FMN2: variants seen among roughly 807,000 people sequenced by gnomAD.
FMN2 encodes formin-2.
Under a neutral mutation model 142.3 loss-of-function variants are expected in FMN2, and 51 were observed. The observed-to-expected ratio is 0.36, with a 90% CI of 0.29 to 0.45. The LOEUF is 0.45. Among genes scored for constraint, FMN2 ranks in the 20% least tolerant of loss-of-function variants. The probability of loss-of-function intolerance (pLI) is 1.00; values close to 1 mark genes in which losing one functional copy is unlikely to be tolerated. For synonymous variants in FMN2, 882 were observed against 869.8 expected (o/e 1.01, Z -0.25); for missense variants, 1,936 against 2,122.8 (o/e 0.91, Z 1.73).
At chr1:240,469,948 C>T (rs1469889649) in intron 16 of FMN2, among the ~76,000 whole-genome samples, 1 of 152,120 alleles carries the variant, frequency 6.6e-6, no homozygotes, top group East Asian at 1.9e-4. Flanking sequence ...GATGCACATT[C>T]TCCTCAGTTT....
chr1:240,166,374 T>C (rs10926153), intron 2 of FMN2, among the ~76,000 whole-genome samples: 93,196 of 151,538 alleles, frequency 0.62, 28,912 homozygotes, highest in South Asian at 0.73. Context: ...AGATTGCAGG[T>C]GCCAGCCACC....
At chr1:240,148,687 A>T (rs1258286313) in intron 2 of FMN2, among the ~76,000 whole-genome samples, 1 of 152,114 alleles carries the variant, frequency 6.6e-6, no homozygotes, top group Non-Finnish European at 1.5e-5. Context: ...CTGAATAAAA[A>T]CTCTGTATAT....
Position 240,144,585 on chromosome 1 carries a change from C to T in FMN2, c.1782+21240C>T, listed in dbSNP as rs539227718. The T allele has an allele frequency of 9.4e-5, 129 of 1,373,092 alleles. No homozygotes were observed. The South Asian group carries it at 1.4e-3, about 15-fold the overall frequency. 85.1% of individuals were successfully genotyped at this position (1,373,092 alleles called of 1,614,324 possible). On this transcript the variant is annotated intron_variant, in intron 2 of 17. Transcript: ENST00000319653. Reference sequence around the variant, plus strand: ...TTGCGCATCAGTGCCAATCTCAGAGCTTTAGGAAAGCGGCTAAACTTTCAG... The same window carrying T: ...TTGCGCATCAGTGCCAATCTCAGAGTTTTAGGAAAGCGGCTAAACTTTCAG...
chr1:240,360,031 G>A (rs943780306), intron 14 of FMN2, among the ~76,000 whole-genome samples: 2 of 152,070 alleles, frequency 1.3e-5, no homozygotes, highest in Non-Finnish European at 2.9e-5. Context: ...CCACAATATT[G>A]AGCAGCTGAT....
chr1:240,230,569 A>C lies in FMN2; in HGVS notation c.4065+19334A>C, dbSNP rs1174981104. Among the ~76,000 whole-genome samples, 3 of 131,826 alleles carry C rather than the reference A, an allele frequency of 2.3e-5. 1 individual carries two copies. Among genetic ancestry groups the C allele is most frequent in the African/African-American group, 9.7e-5 (3 of 30,846 alleles). 86.5% of individuals were successfully genotyped at this position (131,826 alleles called of 152,430 possible). Reference sequence around the variant, plus strand: ...TTAATTGATCCATGTGTTAATCTTTATGTATAGTTCTGTGTATTTTTCTAT... The same window carrying C: ...TTAATTGATCCATGTGTTAATCTTTCTGTATAGTTCTGTGTATTTTTCTAT... On this transcript the variant is annotated intron_variant, in intron 6 of 17. Coordinates refer to ENST00000319653, the MANE Select transcript of FMN2 (RefSeq NM_020066.5).
chr1:240,158,439 A>C (rs1438512262), intron 2 of FMN2, among the ~76,000 whole-genome samples: 3 of 152,176 alleles, frequency 2.0e-5, no homozygotes, highest in African/African-American at 7.2e-5. Context: ...GGTTGGCTAG[A>C]TATGTTTCCT....
chr1:240,195,538 G>T (rs542069508), intron 4 of FMN2, among the ~76,000 whole-genome samples: 5 of 152,168 alleles, frequency 3.3e-5, no homozygotes, highest in African/African-American at 1.2e-4. Context: ...GTGTCTTTCA[G>T]CAGGAACACA....
intron 8 of FMN2, among the ~76,000 whole-genome samples, chr1:240,318,614 A>G (rs1033883757): frequency 4.6e-5 from 7 of 152,282 alleles, no homozygotes; most frequent in African/African-American, 1.7e-4. Flanking sequence ...ATGTCCAGGT[A>G]TTATTCTAAA....
At chr1:240,270,493 C>T (rs930823170) in intron 7 of FMN2, among the ~76,000 whole-genome samples, 4 of 152,058 alleles carry the variant, frequency 2.6e-5, no homozygotes, top group African/African-American at 9.7e-5. Flanking sequence ...ACCTCATTGG[C>T]TTCAGTAGTA....
intron 15 of FMN2, among the ~76,000 whole-genome samples, chr1:240,427,176 TATATA>T (rs1183960461): frequency 0.063 from 9,319 of 148,676 alleles, 1,112 homozygotes; most frequent in African/African-American, 0.22. Flanking sequence ...TGATTTTATA[TATATA>T]TATATATATA....
chr1:240,308,867 C>T (rs187769504), intron 8 of FMN2, among the ~76,000 whole-genome samples: 45 of 152,146 alleles, frequency 3.0e-4, no homozygotes, highest in Non-Finnish European at 5.3e-4. Context: ...TTGGCCTGGG[C>T]AATAGGAAGG....
intron 6 of FMN2, chr1:240,245,442 G>A (rs1178144145): frequency 2.2e-6 from 1 of 459,792 alleles, no homozygotes; most frequent in Admixed American, 2.4e-5. Context: ...GGAACTTGAT[G>A]TGTGGCTGGA....
chr1:240,092,367 G>A lies in FMN2; in HGVS notation c.258G>A (p.Lys86=). Residue 86 remains lysine, a synonymous_variant, in exon 1 of 18, where the codon AAG becomes AAA. Coordinates refer to ENST00000319653, the MANE Select transcript of FMN2 (RefSeq NM_020066.5). ...SNLRIRKNLS[K]GKGAGGSRED... ...TGCGGATCAGGAAGAATCTGTCCAAGGGGAAAGGCGCCGGCGGCTCCCGCG... is the reference window on the plus strand; with the variant it reads ...TGCGGATCAGGAAGAATCTGTCCAAAGGGAAAGGCGCCGGCGGCTCCCGCG... The A allele has an allele frequency of 2.5e-6, 4 of 1,609,522 alleles. No individual in the cohort carries two copies. Among genetic ancestry groups the A allele is most frequent in the Non-Finnish European group, 3.4e-6 (4 of 1,176,946 alleles).
intron 7 of FMN2, among the ~76,000 whole-genome samples, chr1:240,283,333 C>T (rs11586290): frequency 0.067 from 10,179 of 152,212 alleles, 418 homozygotes; most frequent in East Asian, 0.13. Flanking sequence ...TTTGCAGTTC[C>T]TCTCCTCATT....
chr1:240,437,452 T>C (rs982975365), intron 15 of FMN2, among the ~76,000 whole-genome samples: 17 of 151,962 alleles, frequency 1.1e-4, no homozygotes, highest in East Asian at 1.9e-4. Flanking sequence ...CCCACCACCA[T>C]GCCCGGCTAA....
chr1:240,407,983 G>A (rs78739953), intron 15 of FMN2, among the ~76,000 whole-genome samples: 4,236 of 152,216 alleles, frequency 0.028, 211 homozygotes, highest in African/African-American at 0.097. Context: ...TGTAGATTTC[G>A]CATCCTACTT....
chr1:240,143,655 G>T, intron 2 of FMN2: 1 of 1,610,094 alleles, frequency 6.2e-7, no homozygotes, highest in East Asian at 2.2e-5. Context: ...GTGCAGCCAG[G>T]ATTGCCTCGA....
chr1:240,448,105 C>A (rs1675889093), intron 16 of FMN2, among the ~76,000 whole-genome samples: 1 of 152,004 alleles, frequency 6.6e-6, no homozygotes, highest in South Asian at 2.1e-4. Context: ...TGTATGTACC[C>A]AAGAAAACAA....
intron 13 of FMN2, among the ~76,000 whole-genome samples, chr1:240,347,131 T>G (rs1671933225): frequency 6.6e-6 from 1 of 152,322 alleles, no homozygotes; most frequent in South Asian, 2.1e-4. Context: ...AAACCACATT[T>G]ACTATTTTAA....
Sources: gnomAD v4.1 joint callset for allele counts (sites outside exome capture counted in the v4.1 genomes callset) on GRCh38, gnomAD v4.1.1 for gene constraint, MANE v1.5 for transcripts, NCBI Gene and HGNC (gene_info 2026-07-23, HGNC 2026-07-21) for gene names.